The following DGKI variants were observed in gnomAD, a reference collection of about 807,000 sequenced individuals.
DGKI encodes the protein diacylglycerol kinase iota.
Under a neutral mutation model 147.5 loss-of-function variants are expected in DGKI, and 55 were observed. That is an observed-to-expected ratio of 0.37 (90% CI 0.30 to 0.47). The LOEUF (loss-of-function observed/expected upper bound fraction) is 0.47. Among genes scored for constraint, DGKI ranks in the 20% least tolerant of loss-of-function variants. The pLI is 1.00. For synonymous variants in DGKI, 469 were observed against 477.1 expected, an observed-to-expected ratio of 0.98 and a Z score of 0.22; for missense variants, 1,007 against 1,323.8, an observed-to-expected ratio of 0.76 and a Z score of 3.71.
chr7:137,627,878 C>G (rs1230849841), intron 6 of DGKI, among the ~76,000 whole-genome samples: 1 of 152,186 alleles, frequency 6.6e-6, no homozygotes, highest in Non-Finnish European at 1.5e-5. Context: ...AATCACTTAA[C>G]TCTTCTAACT....
chr7:137,420,978 C>T (rs993173424), intron 28 of DGKI, among the ~76,000 whole-genome samples: 4 of 152,076 alleles, frequency 2.6e-5, no homozygotes, highest in Non-Finnish European at 4.4e-5. Flanking sequence ...GAGATCACGC[C>T]ACTGCACTCC....
At chr7:137,520,748 G>T (rs978863549) in intron 21 of DGKI, among the ~76,000 whole-genome samples, 2 of 151,942 alleles carry the variant, frequency 1.3e-5, no homozygotes, top group African/African-American at 2.4e-5. Context: ...TCACCTCGTG[G>T]CAACTCCAGA....
chr7:137,722,831 A>T, intron 1 of DGKI: 1 of 1,149,168 alleles, frequency 8.7e-7, no homozygotes, highest in Non-Finnish European at 1.3e-6. Flanking sequence ...AATGGAATTT[A>T]TCCTCACAAA....
At chr7:137,805,375 C>T (rs1466362183) in intron 1 of DGKI, among the ~76,000 whole-genome samples, 2 of 152,184 alleles carry the variant, frequency 1.3e-5, no homozygotes, top group African/African-American at 2.4e-5. Context: ...CCTACCATCC[C>T]TTACGCTGTC....
At chr7:137,537,976 A>G (rs1408671003) in intron 20 of DGKI, among the ~76,000 whole-genome samples, 2 of 152,222 alleles carry the variant, frequency 1.3e-5, no homozygotes, top group Non-Finnish European at 2.9e-5. Context: ...TAATTGTAGG[A>G]CCACAACTAA....
chr7:137,845,703 T>C (rs764790432), intron 1 of DGKI, among the ~76,000 whole-genome samples: 3 of 152,178 alleles, frequency 2.0e-5, no homozygotes, highest in South Asian at 2.1e-4. Flanking sequence ...TTAAAGGCCA[T>C]TGATCCCACA....
At chr7:137,808,726 A>T (rs1005757596) in intron 1 of DGKI, among the ~76,000 whole-genome samples, 1 of 152,236 alleles carries the variant, frequency 6.6e-6, no homozygotes, top group African/African-American at 2.4e-5. Context: ...AATATTAAAA[A>T]ACCATGGGAG....
intron 21 of DGKI, among the ~76,000 whole-genome samples, chr7:137,499,290 T>C (rs968207439): frequency 3.3e-5 from 5 of 152,184 alleles, no homozygotes; most frequent in African/African-American, 1.2e-4. Flanking sequence ...CCGGTGCCTA[T>C]TTTACTACTA....
At chr7:137,711,684 CT>C (rs71177918) in intron 1 of DGKI, among the ~76,000 whole-genome samples, 2,877 of 79,682 alleles carry the variant, frequency 0.036, 107 homozygotes, top group African/African-American at 0.11. Context: ...GGGATACCAA[CT>C]TTTTTTTTTT....
chr7:137,541,243 G>A (rs1036694052), intron 20 of DGKI, among the ~76,000 whole-genome samples: 2 of 152,200 alleles, frequency 1.3e-5, no homozygotes, highest in African/African-American at 4.8e-5. Context: ...GTCTGTGTGT[G>A]CGTATACGTG....
Position 137,618,151 on chromosome 7 carries a change from A to ATATATATATATATATATTTT in DGKI, c.993+1672_993+1673insAAAATATATATATATATATA. ...ACTATATATATATATATATATATAT[A>ATATATATATATATATATTTT]TTTTTTTTTTTTTACTCTATCATTC... On this transcript the variant is annotated intron_variant, in intron 8 of 32. Transcript: ENST00000614521. Among the ~76,000 whole-genome samples, 13 of 10,462 alleles carry ATATATATATATATATATTTT rather than the reference A, an allele frequency of 1.2e-3. 1 individual carries two copies. The highest frequency in any genetic ancestry group is 7.4e-3 in the East Asian group (1 of 136). 6.9% of individuals were successfully genotyped at this position (10,462 alleles called of 152,430 possible).
rs3046570 is a variant in DGKI at position 137,406,930 on chromosome 7, C to CA, written c.2920+944dup. 3.1e-3 allele frequency among the ~76,000 whole-genome samples: 285 copies of CA among 92,550 alleles called. 11 individuals carry two copies. Among genetic ancestry groups the CA allele is most frequent in the East Asian group, 0.029 (83 of 2,886 alleles). 60.7% of individuals were successfully genotyped at this position (92,550 alleles called of 152,430 possible). A position where few individuals can be genotyped will look rare whatever the true frequency, so the allele number is the denominator to read the frequency against. On this transcript the variant is annotated intron_variant, in intron 30 of 32. Coordinates refer to ENST00000614521, the MANE Select transcript of DGKI (RefSeq NM_001321708.2). ...GGAATAAGACATACTTGCTGAATTG[C>CA]AAAAAAAAAAAAAAAAAAGGAGCAA...
intron 1 of DGKI, among the ~76,000 whole-genome samples, chr7:137,745,599 G>T (rs1795301200): frequency 6.6e-6 from 1 of 152,054 alleles, no homozygotes; most frequent in Non-Finnish European, 1.5e-5. Context: ...CTCAGTAGTG[G>T]GCTCAATTAT....
intron 1 of DGKI, among the ~76,000 whole-genome samples, chr7:137,797,420 T>C (rs1797065578): frequency 6.6e-6 from 1 of 152,226 alleles, no homozygotes; most frequent in Admixed American, 6.5e-5. Context: ...TAATAAGTTT[T>C]GTTTATAATT....
intron 1 of DGKI, among the ~76,000 whole-genome samples, chr7:137,761,416 G>A (rs1795852352): frequency 6.6e-6 from 1 of 152,202 alleles, no homozygotes; most frequent in African/African-American, 2.4e-5. Flanking sequence ...AATAGCAGGG[G>A]CTACCTCACC....
intron 1 of DGKI, among the ~76,000 whole-genome samples, chr7:137,789,359 T>A (rs752013696): frequency 6.6e-6 from 1 of 152,132 alleles, no homozygotes; most frequent in Non-Finnish European, 1.5e-5. Context: ...CATGCTACCC[T>A]CCCACTGAAA....
intron 30 of DGKI, among the ~76,000 whole-genome samples, chr7:137,398,929 G>T (rs1386840017): frequency 6.6e-6 from 1 of 151,446 alleles, no homozygotes; most frequent in East Asian, 1.9e-4. Flanking sequence ...CTGCTTACTT[G>T]CAAGTATTTA....
intron 25 of DGKI, 78 bp from the exon 26 acceptor site, chr7:137,466,113 G>T: frequency 6.5e-7 from 1 of 1,529,886 alleles, no homozygotes. Flanking sequence ...ATGAAATTCT[G>T]CAACGTGTCA....
At position 137,383,930 on chromosome 7, in the gene DGKI, T is replaced by A. The variant is rs1049588986; in HGVS notation, c.*7290A>T. ...AAATGTCCCTTGTAAAGTATGAGAT[T>A]CTGAACTGAAGGACATTTCAAGCCT... On this transcript the variant is annotated 3_prime_UTR_variant, in exon 33 of 33. Coordinates refer to ENST00000614521, the MANE Select transcript of DGKI (RefSeq NM_001321708.2). The A allele has an allele frequency of 2.0e-5, 3 of 152,054 alleles. No individual in the cohort carries two copies. The highest frequency in any genetic ancestry group is 4.4e-5 in the Non-Finnish European group (3 of 67,952). The allele number at this position is 152,054 out of a possible 1,614,324, so 9.4% of individuals were successfully genotyped here. A position where few individuals can be genotyped will look rare whatever the true frequency, so the allele number is the denominator to read the frequency against.
Sources: gnomAD v4.1 joint callset for allele counts (sites outside exome capture counted in the v4.1 genomes callset) on GRCh38, gnomAD v4.1.1 for gene constraint, MANE v1.5 for transcripts, NCBI Gene and HGNC (gene_info 2026-07-23, HGNC 2026-07-21) for gene names.